The following KAZN variants were observed in gnomAD, a reference collection of about 807,000 sequenced individuals.
The protein encoded by KAZN is kazrin.
In KAZN, 40 loss-of-function variants were observed where a neutral mutation model predicts 87.4. That is an observed-to-expected ratio of 0.46 (90% CI 0.36 to 0.60). The LOEUF (loss-of-function observed/expected upper bound fraction) is 0.60. KAZN is among the 20% of genes least tolerant of loss of function. The probability of loss-of-function intolerance (pLI) is 0.00; values close to 1 mark genes in which losing one functional copy is unlikely to be tolerated. For synonymous variants in KAZN, 466 were observed against 458.3 expected (o/e 1.02, Z -0.22); for missense variants, 898 against 1,073.9 (o/e 0.84, Z 2.29).
Position 14,214,147 on chromosome 1 carries a change from A to G in KAZN, c.249+33555A>G, listed in dbSNP as rs1401325820. ...CATCTATGTATAATTGATTTTTAAA[A>G]TCATGAGATTGGATGAGATCATCAA... On this transcript the variant is annotated intron_variant, in intron 2 of 16. Transcript: ENST00000636203. 2.0e-5 allele frequency among the ~76,000 whole-genome samples: 3 copies of G among 152,230 alleles called. No individual in the cohort carries two copies. In the East Asian group the frequency reaches 5.8e-4, roughly 29 times the overall value.
At chr1:14,325,310 T>C (rs1209590887) in intron 2 of KAZN, among the ~76,000 whole-genome samples, 1 of 152,224 alleles carries the variant, frequency 6.6e-6, no homozygotes, top group Non-Finnish European at 1.5e-5. Flanking sequence ...AATTATTTTG[T>C]ATTTGATGCT....
intron 1 of KAZN, among the ~76,000 whole-genome samples, chr1:14,889,960 C>T (rs1654520359): frequency 6.6e-6 from 1 of 152,198 alleles, no homozygotes; most frequent in South Asian, 2.1e-4. Flanking sequence ...AAAAGAAGTA[C>T]CTCGTACGCT....
At chr1:14,205,712 G>A (rs779825504) in intron 2 of KAZN, among the ~76,000 whole-genome samples, 3 of 151,390 alleles carry the variant, frequency 2.0e-5, no homozygotes, top group Non-Finnish European at 2.9e-5. Context: ...GTGAAACCCC[G>A]TGTCTACAAA....
chr1:14,872,512 A>G (rs1209699561), intron 1 of KAZN, among the ~76,000 whole-genome samples: 3 of 152,234 alleles, frequency 2.0e-5, no homozygotes, highest in Admixed American at 1.3e-4. Context: ...GTGAAGTGCT[A>G]TAAGGGAATA....
chr1:15,037,593 T>TATCATTATCATA (rs59989271), intron 3 of KAZN, among the ~76,000 whole-genome samples: 34,342 of 151,610 alleles, frequency 0.23, 6,656 homozygotes, highest in African/African-American at 0.52. Flanking sequence ...CCATTATTAT[T>TATCATTATCATA]ATCATTATCA....
chr1:14,275,199 C>T (rs1460115802), intron 2 of KAZN, among the ~76,000 whole-genome samples: 3 of 152,104 alleles, frequency 2.0e-5, no homozygotes, highest in East Asian at 1.9e-4. Flanking sequence ...ACCAGGGAAG[C>T]GACTATCCAG....
chr1:14,883,415 G>C, intron 1 of KAZN, among the ~76,000 whole-genome samples: 1 of 146,448 alleles, frequency 6.8e-6, no homozygotes, highest in South Asian at 2.2e-4. Flanking sequence ...AAGAAAGAAA[G>C]AAAGAAAGAA....
In KAZN at chr1:14,730,981, T is replaced by C. The variant is rs560591339; in HGVS notation, c.226+131758T>C. Among the ~76,000 whole-genome samples the C allele has an allele frequency of 2.1e-3, 327 of 152,310 alleles. 1 individual carries two copies. The highest frequency in any genetic ancestry group is 7.5e-3 in the African/African-American group (311 of 41,576). Reference sequence around the variant, plus strand: ...TCATGGATTCCAAGGCCCCAGCAAGTGACATCCCTATTAGCCGGGGAGAAG... The same window carrying C: ...TCATGGATTCCAAGGCCCCAGCAAGCGACATCCCTATTAGCCGGGGAGAAG... On this transcript the variant is annotated intron_variant, in intron 1 of 14. Coordinates refer to ENST00000376030, the MANE Select transcript of KAZN (RefSeq NM_201628.3).
intron 1 of KAZN, among the ~76,000 whole-genome samples, chr1:14,871,649 A>AGTGTGTGTCT (rs1652146009): frequency 1.4e-5 from 2 of 144,648 alleles, no homozygotes; most frequent in South Asian, 2.4e-4. Context: ...CATGAGCAGC[A>AGTGTGTGTCT]GTGTGTGTGT....
chr1:14,057,754 T>G (rs1285199002), intron 1 of KAZN, among the ~76,000 whole-genome samples: 1 of 152,156 alleles, frequency 6.6e-6, no homozygotes, highest in Non-Finnish European at 1.5e-5. Context: ...AATGCTAATG[T>G]GGGCCAGGCC....
chr1:14,818,605 G>T (rs1279863010), intron 1 of KAZN, among the ~76,000 whole-genome samples: 2 of 152,008 alleles, frequency 1.3e-5, no homozygotes, highest in Non-Finnish European at 2.9e-5. Flanking sequence ...GAAATGCAAA[G>T]GCAGGCTGCA....
At chr1:14,350,028 C>CGGGAGGCGTGAACCT (rs34797063) in intron 2 of KAZN, among the ~76,000 whole-genome samples, 11 of 148,826 alleles carry the variant, frequency 7.4e-5, no homozygotes, top group African/African-American at 2.0e-4. Flanking sequence ...CCCAGCTACT[C>CGGGAGGCGTGAACCT]GGGAGGCGTG....
intron 1 of KAZN, among the ~76,000 whole-genome samples, chr1:14,070,167 C>CTAAAAAAAAAAAAAAA (rs1643188933): frequency 1.4e-5 from 1 of 72,916 alleles, no homozygotes; most frequent in Non-Finnish European, 2.6e-5. Context: ...GACTCCATCT[C>CTAAAAAAAAAAAAAAA]AAAAAAAAAA....
intron 2 of KAZN, among the ~76,000 whole-genome samples, chr1:14,383,760 C>G (rs1021006274): frequency 2.0e-4 from 30 of 151,702 alleles, no homozygotes; most frequent in African/African-American, 4.9e-4. Context: ...GATGCCTCCG[C>G]CTTTGTTCTT....
chr1:14,877,082 C>G (rs1057256247), intron 1 of KAZN, among the ~76,000 whole-genome samples: 1 of 152,184 alleles, frequency 6.6e-6, no homozygotes, highest in African/African-American at 2.4e-5. Flanking sequence ...GTTCCAGGGA[C>G]TTGAAAATGC....
chr1:14,433,142 C>G (rs988522163), intron 2 of KAZN, among the ~76,000 whole-genome samples: 2 of 152,022 alleles, frequency 1.3e-5, no homozygotes, highest in African/African-American at 4.8e-5. Context: ...TTGTAGCATG[C>G]AGTCCCATGA....
intron 1 of KAZN, among the ~76,000 whole-genome samples, chr1:14,770,821 T>A (rs1283461727): frequency 6.6e-6 from 1 of 152,176 alleles, no homozygotes; most frequent in African/African-American, 2.4e-5. Context: ...CATTTTCAAT[T>A]GTTCAGAGAT....
chr1:15,090,236 C>T (rs955373747), intron 8 of KAZN, among the ~76,000 whole-genome samples: 1 of 152,208 alleles, frequency 6.6e-6, no homozygotes, highest in Non-Finnish European at 1.5e-5. Flanking sequence ...TGTCTTGGAA[C>T]TTTGGGTAAC....
At chr1:14,788,478 A>T (rs1358411360) in intron 1 of KAZN, among the ~76,000 whole-genome samples, 1 of 152,204 alleles carries the variant, frequency 6.6e-6, no homozygotes, top group African/African-American at 2.4e-5. Flanking sequence ...AGCCTTCAAG[A>T]ATAGTCTCTG....
Sources: allele counts gnomAD v4.1 joint callset (sites outside exome capture counted in the v4.1 genomes callset), GRCh38; gene constraint gnomAD v4.1.1; transcripts MANE v1.5; gene names NCBI Gene and HGNC (gene_info 2026-07-23, HGNC 2026-07-21).